PRPF38A: variants seen among roughly 807,000 people sequenced by gnomAD.
PRPF38A encodes the protein pre-mRNA-splicing factor 38A.
Under a neutral mutation model 46.8 loss-of-function variants are expected in PRPF38A, and 11 were observed. That is an observed-to-expected ratio of 0.24 (90% CI 0.15 to 0.39). The LOEUF (loss-of-function observed/expected upper bound fraction) is 0.39, where lower values mean the gene tolerates loss of function less well. Ranked by LOEUF, PRPF38A falls within the 10% of genes least tolerant of loss-of-function variation. The probability of loss-of-function intolerance (pLI) is 1.00; values close to 1 mark genes in which losing one functional copy is unlikely to be tolerated. For synonymous variants in PRPF38A, 124 were observed against 136.2 expected (o/e 0.91, Z 0.62); for missense variants, 261 against 407.5 (o/e 0.64, Z 3.10).
rs1408383901 is a variant in PRPF38A, at chr1:52,408,609, G to A, written c.331G>A (p.Gly111Ser). 1.2e-6 allele frequency: 2 copies of A among 1,614,086 alleles called. No homozygotes were observed. Among genetic ancestry groups the A allele is most frequent in the African/African-American group, 2.7e-5 (2 of 74,936 alleles). The part of the protein sequence containing the change: ...MLGALYMRLT[G>S]TAIDCYKYLE... ...GGGGGCACTTTACATGAGGCTGACA[G>A]GCACTGCAATTGATTGCTACAAGTA... Residue 111 changes from glycine to serine, a missense_variant, in exon 3 of 10, where the codon GGC (glycine) becomes AGC (serine). Around this residue, in one of 2 missense-constraint regions of PRPF38A, gnomAD observed 81 missense variants for 186.5 expected, o/e 0.43. Transcript: ENST00000257181.
chr1:52,406,217 G>A (rs1199313539), intron 2 of PRPF38A, among the ~76,000 whole-genome samples: 1 of 152,070 alleles, frequency 6.6e-6, no homozygotes, highest in South Asian at 2.1e-4. Context: ...TCGAACTCCA[G>A]ACTTCAGGTA....
chr1:52,408,445 A>T (rs762347658), intron 2 of PRPF38A, 124 bp from the exon 3 acceptor site: 3 of 1,321,248 alleles, frequency 2.3e-6, no homozygotes, highest in African/African-American at 2.9e-5. Context: ...TACCTCCACA[A>T]TTGCAGCTTT....
At chr1:52,414,957 C>G in intron 8 of PRPF38A, 98 bp downstream of exon 8, 1 of 1,077,962 alleles carries the variant, frequency 9.3e-7, no homozygotes, top group Admixed American at 2.1e-5. Context: ...ACTGTACTGC[C>G]TAACAGAAAA....
At chr1:52,411,656 T>C (rs1648152662) in intron 4 of PRPF38A, among the ~76,000 whole-genome samples, 1 of 152,036 alleles carries the variant, frequency 6.6e-6, no homozygotes, top group Non-Finnish European at 1.5e-5. Context: ...CAGATAAAAA[T>C]AGGGCCAGGA....
intron 5 of PRPF38A, among the ~76,000 whole-genome samples, chr1:52,413,055 C>T (rs1225890620): frequency 1.3e-5 from 2 of 152,120 alleles, no homozygotes; most frequent in Non-Finnish European, 1.5e-5. Flanking sequence ...ATTAAAAGCA[C>T]CTCAGCTCTG....
chr1:52,408,127 G>A (rs928878939), intron 2 of PRPF38A, among the ~76,000 whole-genome samples: 2 of 150,596 alleles, frequency 1.3e-5, no homozygotes, highest in Admixed American at 6.6e-5. Context: ...TGTAATCCTC[G>A]CTACATGGAG....
chr1:52,408,661 G>A lies in PRPF38A; in HGVS notation c.383G>A (p.Arg128Gln), dbSNP rs756181704. ...KYLEPLYNDY[R>Q]KIKSQNRNGE... ...TTGGAACCTTTGTACAATGACTATC[G>A]AAAAATCAAGAGCCAGAACCGAAAT... The change falls in exon 3 of 10, where the codon CGA (arginine) becomes CAA (glutamine). Residue 128 changes from arginine (R) to glutamine (Q), a missense_variant. By Grantham distance (43) the Arg-to-Gln change is conservative. Transcript: ENST00000257181. 18 of 1,614,086 alleles carry A rather than the reference G, an allele frequency of 1.1e-5. 1 individual carries two copies. In the South Asian group the frequency reaches 1.2e-4, roughly 11 times the overall value.
rs1349550790 is a variant in PRPF38A, at chr1:52,407,911, CTGG to C, written c.291-657_291-655del. ...CCCTACTAAAAATACAAAAATTAGGCTGGGTGTGTTGGCACATGCCTATAATCC... is the reference window on the plus strand; with the variant it reads ...CCCTACTAAAAATACAAAAATTAGGCGTGTGTTGGCACATGCCTATAATCC... On this transcript the variant is annotated intron_variant, in intron 2 of 9. Coordinates refer to ENST00000257181, the MANE Select transcript of PRPF38A (RefSeq NM_032864.4). 9.2e-5 allele frequency among the ~76,000 whole-genome samples: 14 copies of C among 152,234 alleles called. 1 individual carries two copies. Among genetic ancestry groups the C allele is most frequent in the African/African-American group, 3.1e-4 (13 of 41,446 alleles).
rs1648178641 is a variant in PRPF38A at position 52,412,638 on chromosome 1, G to A, written c.609+14G>A. 6.6e-7 allele frequency: 1 copy of A among 1,513,082 alleles called. No homozygotes were observed. Among genetic ancestry groups the A allele is most frequent in the African/African-American group, 1.4e-5 (1 of 72,314 alleles). 93.7% of individuals were successfully genotyped at this position (1,513,082 alleles called of 1,614,324 possible). ...GAGGATGAGAAGGTCTGGCACCTGAGACTTTTATGGTTGTAGGGGAGGGAG... is the reference window on the plus strand; with the variant it reads ...GAGGATGAGAAGGTCTGGCACCTGAAACTTTTATGGTTGTAGGGGAGGGAG... On this transcript the variant is annotated intron_variant, in intron 5 of 9. Transcript: ENST00000257181.
Position 52,418,804 on chromosome 1 carries a change from T to A in PRPF38A, c.*2114T>A, listed in dbSNP as rs533738546. ...AAACTTTTTGACTACAGCATACATT[T>A]TAAAAACGTATTTTACATCTTACCT... is the stretch of plus-strand genomic sequence containing the variant. On this transcript the variant is annotated 3_prime_UTR_variant, in exon 10 of 10. Coordinates refer to ENST00000257181, the MANE Select transcript of PRPF38A (RefSeq NM_032864.4). 2.0e-5 allele frequency: 3 copies of A among 152,360 alleles called. No homozygotes were observed. The South Asian group carries it at 6.2e-4, about 32-fold the overall frequency. The allele number at this position is 152,360 out of a possible 1,614,324, so 9.4% of individuals were successfully genotyped here. A position where few individuals can be genotyped will look rare whatever the true frequency, so the allele number is the denominator to read the frequency against.
At chr1:52,410,433 T>A (rs1648115127) in intron 3 of PRPF38A, among the ~76,000 whole-genome samples, 1 of 150,426 alleles carries the variant, frequency 6.6e-6, no homozygotes, top group Admixed American at 6.7e-5. Context: ...TAAAGTGAGG[T>A]TAATGATACT....
chr1:52,406,040 G>C (rs1647979941), intron 2 of PRPF38A, among the ~76,000 whole-genome samples: 1 of 152,136 alleles, frequency 6.6e-6, no homozygotes, highest in Non-Finnish European at 1.5e-5. Flanking sequence ...CCAGGCTGGA[G>C]TGCAGTGGTG....
At position 52,405,737 on chromosome 1, in the gene PRPF38A, G is replaced by A; in HGVS notation, c.188G>A (p.Gly63Asp). The A allele has an allele frequency of 6.2e-7, 1 of 1,614,048 alleles. No individual in the cohort carries two copies. Among genetic ancestry groups the A allele is most frequent in the Non-Finnish European group, 8.5e-7 (1 of 1,180,006 alleles). ...AGGTTTGTGGGTGGCGTCTATGGTG[G>A]CAACATAAAACCAACACCCTTTCTG... ...ELRFVGGVYG[G>D]NIKPTPFLCL... is the part of the protein sequence containing the mutation. The change falls in exon 2 of 10, where the codon GGC (glycine) becomes GAC (aspartate). Residue 63 changes from glycine to aspartate, a missense_variant. Around this residue, in one of 2 missense-constraint regions of PRPF38A, gnomAD observed 81 missense variants for 186.5 expected, o/e 0.43. Coordinates refer to ENST00000257181, the MANE Select transcript of PRPF38A (RefSeq NM_032864.4).
chr1:52,404,770 G>A lies in PRPF38A; in HGVS notation c.21G>A (p.Lys7=). Residue 7 remains lysine (K), a synonymous_variant, in exon 1 of 10, where the codon AAG becomes AAA. Coordinates refer to ENST00000257181, the MANE Select transcript of PRPF38A (RefSeq NM_032864.4). ...CTAAAATGGCTAACCGTACAGTGAAGGATGCGCACAGCATCCATGGCACCA... is the reference window on the plus strand; with the variant it reads ...CTAAAATGGCTAACCGTACAGTGAAAGATGCGCACAGCATCCATGGCACCA... The part of the protein sequence containing the change: MANRTV[K]DAHSIHGTNP... The A allele has an allele frequency of 6.2e-7, 1 of 1,614,090 alleles. No individual in the cohort carries two copies. The highest frequency in any genetic ancestry group is 8.5e-7 in the Non-Finnish European group (1 of 1,179,980).
In PRPF38A at chr1:52,420,790, CTTA is replaced by C. The variant is rs1317643402; in HGVS notation, c.*4103_*4105del. On this transcript the variant is annotated 3_prime_UTR_variant, in exon 10 of 10. Coordinates refer to ENST00000257181, the MANE Select transcript of PRPF38A (RefSeq NM_032864.4). Reference sequence around the variant, plus strand: ...TTAAACTTTGTACTTTTATATAATGCTTATTTTCTTTTTACAATAAACATGTTA... The same window carrying C: ...TTAAACTTTGTACTTTTATATAATGCTTTTCTTTTTACAATAAACATGTTA... The C allele has an allele frequency of 6.6e-6, 1 of 152,100 alleles. No individual in the cohort carries two copies. Among genetic ancestry groups the C allele is most frequent in the Non-Finnish European group, 1.5e-5 (1 of 68,002 alleles). The allele number at this position is 152,100 out of a possible 1,614,324, so 9.4% of individuals were successfully genotyped here.
In PRPF38A at chr1:52,404,849, T is replaced by C. The variant is rs780049827; in HGVS notation, c.100T>C (p.Tyr34His). The C allele has an allele frequency of 1.2e-6, 2 of 1,614,092 alleles. No homozygotes were observed. The highest frequency in any genetic ancestry group is 2.7e-5 in the African/African-American group (2 of 74,936). ...TCGAACGCGAATCTATGAGTCCAAG[T>C]ACTGGAAAGAGGAGTGCTTTGGACT... is the stretch of plus-strand genomic sequence containing the variant. Reference protein sequence around the residue: ...IIRTRIYESKYWKEECFGLTA... With the variant: ...IIRTRIYESKHWKEECFGLTA... Residue 34 changes from tyrosine (Y) to histidine (H), a missense_variant, in exon 1 of 10, where the codon TAC (tyrosine) becomes CAC (histidine). This residue lies in a region of PRPF38A where 81 missense variants were observed against 186.5 expected (regional missense o/e 0.43). Transcript: ENST00000257181.
intron 4 of PRPF38A, 64 bp downstream of exon 4, chr1:52,411,264 A>G (rs940167795): frequency 1.9e-5 from 21 of 1,132,530 alleles, no homozygotes; most frequent in Non-Finnish European, 2.7e-5. Flanking sequence ...ACAGACAAAC[A>G]CATACACACA....
rs1438566168 is a variant in PRPF38A at position 52,414,793 on chromosome 1, A to C, written c.781A>C (p.Lys261Gln). The C allele has an allele frequency of 6.2e-7, 1 of 1,614,216 alleles. No individual in the cohort carries two copies. Among genetic ancestry groups the C allele is most frequent in the Non-Finnish European group, 8.5e-7 (1 of 1,180,038 alleles). Residue 261 changes from lysine to glutamine, a missense_variant, in exon 8 of 10, where the codon AAG (lysine) becomes CAG (glutamine). Coordinates refer to ENST00000257181, the MANE Select transcript of PRPF38A (RefSeq NM_032864.4). ...CCCTCGCCGAGAAAGGCATCGGAGC[A>C]AGAGTCCAAGACGTCACCGCAGCAG... ...PSPRRERHRSKSPRRHRSRSR... is the reference protein window; with the variant it reads ...PSPRRERHRSQSPRRHRSRSR...
At chr1:52,414,950 G>C (rs1036395126) in intron 8 of PRPF38A, 91 bp downstream of exon 8, 6 of 1,163,636 alleles carry the variant, frequency 5.2e-6, no homozygotes, top group African/African-American at 4.6e-5. Context: ...GTGCCTGACT[G>C]TACTGCCTAA....
Sources: gnomAD v4.1 joint callset for allele counts (sites outside exome capture counted in the v4.1 genomes callset) on GRCh38, gnomAD v4.1.1 for gene constraint, gnomAD v4.1.1 regional missense constraint, MANE v1.5 for transcripts, NCBI Gene and HGNC (gene_info 2026-07-23, HGNC 2026-07-21) for gene names.